HLA-B: variants seen among roughly 807,000 people sequenced by gnomAD.
HLA-B encodes HLA class I antigen HLA-B.
In HLA-B, 31 loss-of-function variants were observed where a neutral mutation model predicts 41.5. The observed-to-expected ratio is 0.75, with a 90% CI of 0.56 to 1.01. HLA-B has a LOEUF of 1.01. Among genes scored for constraint, HLA-B ranks in the 50% least tolerant of loss-of-function variants. The probability of loss-of-function intolerance (pLI) is 0.00; values close to 1 mark genes in which losing one functional copy is unlikely to be tolerated. For missense variants in HLA-B, 369 were observed against 457.2 expected, an observed-to-expected ratio of 0.81 and a Z score of 1.76; for synonymous variants, 138 against 189.0, an observed-to-expected ratio of 0.73 and a Z score of 2.21.
In HLA-B at chr6:31,356,450, CGGCCCCGCG is replaced by C; in HGVS notation, c.344-17_344-9del. The stretch of plus-strand genomic sequence containing the variant: ...TCTGGAGGGTGTGAGACCCTGGCCC[CGGCCCCGCG>C]GTCAGCCCAGTCCCCCGAGCCCCGC... On this transcript the variant is annotated splice_polypyrimidine_tract_variant and intron_variant, in intron 2 of 7. Coordinates refer to ENST00000412585, the MANE Select transcript of HLA-B (RefSeq NM_005514.8). 1.2e-6 allele frequency: 1 copy of C among 834,388 alleles called. No homozygotes were observed. Among genetic ancestry groups the C allele is most frequent in the Non-Finnish European group, 1.6e-6 (1 of 644,848 alleles). The allele number at this position is 834,388 out of a possible 1,614,324, so 51.7% of individuals were successfully genotyped here.
chr6:31,356,251 GC>G lies in HLA-B; in HGVS notation c.534del (p.Glu178AspfsTer36). ...QRKWEAAREA[E>X]QRRAYLEGEC... The stretch of plus-strand genomic sequence containing the variant: ...TCGCCCTCCAGGTAGGCTCTCCGCT[GC>G]TCCGCCTCACGGGCCGCCTCCCACT... On this transcript the variant is annotated frameshift_variant, in exon 3 of 8. Coordinates refer to ENST00000412585, the MANE Select transcript of HLA-B (RefSeq NM_005514.8). LOFTEE classifies it high-confidence loss of function. 1 of 1,322,138 alleles carries G rather than the reference GC, an allele frequency of 7.6e-7. No homozygotes were observed. 81.9% of individuals were successfully genotyped at this position (1,322,138 alleles called of 1,614,324 possible).
chr6:31,354,366 C>CACATTCGAAACGTCCCAATCAAT, intron 7 of HLA-B, 70 bp from the exon 8 acceptor site: 1 of 468,424 alleles, frequency 2.1e-6, no homozygotes, highest in Admixed American at 3.4e-5. Context: ...AAACAGCCCA[C>CACATTCGAAACGTCCCAATCAAT]CACACACGCG....
intron 1 of HLA-B, 49 bp downstream of exon 1, chr6:31,357,036 TC>T: frequency 1.1e-6 from 1 of 902,880 alleles, no homozygotes; most frequent in South Asian, 2.3e-5. Flanking sequence ...CCGCCTGCGG[TC>T]CCCTCGCTCC....
intron 7 of HLA-B, 39 bp downstream of exon 7, chr6:31,354,440 A>ACCCCCCCCCCCCCCCC: frequency 6.5e-6 from 2 of 308,254 alleles, no homozygotes; most frequent in East Asian, 7.9e-5. Flanking sequence ...CCACCCCCAG[A>ACCCCCCCCCCCCCCCC]CCCGCCACCC....
intron 3 of HLA-B, chr6:31,355,804 G>T (rs1240374512): frequency 4.5e-6 from 3 of 672,744 alleles, no homozygotes; most frequent in Non-Finnish European, 8.1e-6. Flanking sequence ...TTCTGCTCCT[G>T]ATCTGAGTGG....
In HLA-B at chr6:31,356,321, G is replaced by A. The variant is rs72558115; in HGVS notation, c.465C>T (p.Arg155=). 3 of 1,300,744 alleles carry A rather than the reference G, an allele frequency of 2.3e-6. No individual in the cohort carries two copies. Among genetic ancestry groups the A allele is most frequent in the Non-Finnish European group, 3.0e-6 (3 of 986,190 alleles). 80.6% of individuals were successfully genotyped at this position (1,300,744 alleles called of 1,614,324 possible). A position where few individuals can be genotyped will look rare whatever the true frequency, so the allele number is the denominator to read the frequency against. The stretch of plus-strand genomic sequence containing the variant: ...CCGCCGTGTCCGCGGCGGTCCAGGA[G>A]CGCAGGTCCTCGTTCAGGGCGATGT... ...KDYIALNEDL[R]SWTAADTAAQ... is the part of the protein sequence containing the mutation. The change falls in exon 3 of 8, where the codon CGC becomes CGT. Residue 155 remains arginine, a synonymous_variant. Coordinates refer to ENST00000412585, the MANE Select transcript of HLA-B (RefSeq NM_005514.8).
At chr6:31,354,423 G>GCCCCCTCCCC in intron 7 of HLA-B, 56 bp downstream of exon 7, 3 of 318,260 alleles carry the variant, frequency 9.4e-6, no homozygotes, top group South Asian at 2.4e-5. Context: ...TTTCCCCTCT[G>GCCCCCTCCCC]CCCCACCCAC....
chr6:31,355,435 T>C lies in HLA-B; in HGVS notation c.777A>G (p.Pro259=), dbSNP rs41544412. 2.6e-4 allele frequency: 401 copies of C among 1,567,446 alleles called. No individual in the cohort carries two copies. The highest frequency in any genetic ancestry group is 3.1e-4 in the Non-Finnish European group (365 of 1,163,394). Residue 259 remains proline (P), a synonymous_variant, in exon 4 of 8, where the codon CCA becomes CCG. Coordinates refer to ENST00000412585, the MANE Select transcript of HLA-B (RefSeq NM_005514.8). ...TQDTELVETR[P]AGDRTFQKWA... Reference sequence around the variant, plus strand: ...ACTTCTGGAAGGTTCTATCTCCTGCTGGTCTGGTCTCCACAAGCTCAGTGT... The same window carrying C: ...ACTTCTGGAAGGTTCTATCTCCTGCCGGTCTGGTCTCCACAAGCTCAGTGT...
chr6:31,356,650 G>C, intron 2 of HLA-B, 38 bp downstream of exon 2: 2 of 1,405,238 alleles, frequency 1.4e-6, no homozygotes, highest in South Asian at 1.2e-5. Context: ...GTGGGGGATG[G>C]GGAGTCGTGA....
At position 31,354,464 on chromosome 6, in the gene HLA-B, C is replaced by T. The variant is rs757784333; in HGVS notation, c.*4+15G>A. 3 of 918,422 alleles carry T rather than the reference C, an allele frequency of 3.3e-6. No individual in the cohort carries two copies. The highest frequency in any genetic ancestry group is 4.4e-6 in the Non-Finnish European group (3 of 676,752). The allele number at this position is 918,422 out of a possible 1,614,324, so 56.9% of individuals were successfully genotyped here. On this transcript the variant is annotated intron_variant, in intron 7 of 7. Transcript: ENST00000412585. ...GACCCGCCACCCCACCCACTCTAGA[C>T]CCCAAGAATCTCACCTTTTCAAGCT...
In HLA-B at chr6:31,354,029, C is replaced by T. The variant is rs1056978; in HGVS notation, c.*272G>A. 0.03 allele frequency: 11,628 copies of T among 392,592 alleles called. 11 individuals carry two copies. The highest frequency in any genetic ancestry group is 0.047 in the Admixed American group (1,176 of 24,828). 24.3% of individuals were successfully genotyped at this position (392,592 alleles called of 1,614,324 possible). ...AAGTAAGAAGTTGCAGCTCAGTGCA[C>T]GTAAAGTTGAGACAGAGATGGAGAC... On this transcript the variant is annotated 3_prime_UTR_variant, in exon 8 of 8. Coordinates refer to ENST00000412585, the MANE Select transcript of HLA-B (RefSeq NM_005514.8).
At chr6:31,354,560 C>T (rs765149097) in intron 6 of HLA-B, 34 bp from the exon 7 acceptor site, 1 of 1,448,440 alleles carries the variant, frequency 6.9e-7, no homozygotes, top group Non-Finnish European at 9.2e-7. Context: ...CTGGTCAGAG[C>T]CCGCAGGAGA....
intron 7 of HLA-B, 51 bp downstream of exon 7, chr6:31,354,428 A>AACCCCCCCCCCC: frequency 7.8e-5 from 12 of 153,838 alleles, no homozygotes; most frequent in South Asian, 1.5e-4. Context: ...CCTCTGCCCC[A>AACCCCCCCCCCC]CCCACCCCCA....
Position 31,354,310 on chromosome 6 carries a change from C to A in HLA-B, c.*5-14G>T. 1 of 529,516 alleles carries A rather than the reference C, an allele frequency of 1.9e-6. No homozygotes were observed. The highest frequency in any genetic ancestry group is 1.9e-5 in the South Asian group (1 of 53,240). The allele number at this position is 529,516 out of a possible 1,614,324, so 32.8% of individuals were successfully genotyped here. ...AGCTGTCTCAGGCTACAGAAAACAA[C>A]AGTCATGAACAAATTCTGGTTAGTC... On this transcript the variant is annotated splice_polypyrimidine_tract_variant and intron_variant, in intron 7 of 7. Transcript: ENST00000412585.
At chr6:31,354,428 A>AACCCCCCCC in intron 7 of HLA-B, 51 bp downstream of exon 7, 3 of 153,872 alleles carry the variant, frequency 1.9e-5, no homozygotes, top group South Asian at 1.0e-4. Context: ...CCTCTGCCCC[A>AACCCCCCCC]CCCACCCCCA....
chr6:31,356,686 AC>A lies in HLA-B; in HGVS notation c.343+1del. The A allele has an allele frequency of 7.0e-7, 1 of 1,421,890 alleles. No homozygotes were observed. The highest frequency in any genetic ancestry group is 9.3e-7 in the Non-Finnish European group (1 of 1,070,654). The allele number at this position is 1,421,890 out of a possible 1,614,324, so 88.1% of individuals were successfully genotyped here. A position where few individuals can be genotyped will look rare whatever the true frequency, so the allele number is the denominator to read the frequency against. Reference sequence around the variant, plus strand: ...CCTGCGCCCCGGGCCGGGGTCACTCACCGGCCTCGCTCTGGTTGTAGTAGCC... The same window carrying A: ...CCTGCGCCCCGGGCCGGGGTCACTCACGGCCTCGCTCTGGTTGTAGTAGCC... On this transcript the variant is annotated splice_donor_variant, in intron 2 of 7. Coordinates refer to ENST00000412585, the MANE Select transcript of HLA-B (RefSeq NM_005514.8). LOFTEE classifies it high-confidence loss of function.
In HLA-B at chr6:31,356,154, C is replaced by G; in HGVS notation, c.619+13G>C. On this transcript the variant is annotated intron_variant, in intron 3 of 7. Transcript: ENST00000412585. ...TATAGGAGATGGGGAAGGCTCCCCACTGCCCCTGGTACCAGCGCGCTCCAG... is the reference window on the plus strand; with the variant it reads ...TATAGGAGATGGGGAAGGCTCCCCAGTGCCCCTGGTACCAGCGCGCTCCAG... 3 of 1,252,000 alleles carry G rather than the reference C, an allele frequency of 2.4e-6. No homozygotes were observed. The highest frequency in any genetic ancestry group is 6.7e-5 in the East Asian group (2 of 29,974). The allele number at this position is 1,252,000 out of a possible 1,614,324, so 77.6% of individuals were successfully genotyped here. A position where few individuals can be genotyped will look rare whatever the true frequency, so the allele number is the denominator to read the frequency against.
In HLA-B at chr6:31,355,203, C is replaced by T. The variant is rs1131500; in HGVS notation, c.916G>A (p.Val306Ile). Residue 306 changes from valine to isoleucine, a missense_variant, in exon 5 of 8, where the codon GTC (valine) becomes ATC (isoleucine). Val to Ile is a conservative substitution (Grantham distance 29). This residue lies in a region of HLA-B where 115 missense variants were observed against 78.7 expected (regional missense o/e 1.46). Transcript: ENST00000412585. The part of the protein sequence containing the change: ...LRWEPSSQST[V>I]PIVGIVAGLA... ...CCAGCAACAATGCCCACGATGGGGA[C>T]GGTGGACTGGGAAGACGGCTCTGGG... 25,224 of 981,242 alleles carry T rather than the reference C, an allele frequency of 0.026. 3,621 individuals are homozygous for T. Among genetic ancestry groups the T allele is most frequent in the South Asian group, 0.13 (4,592 of 35,614 alleles). The allele number at this position is 981,242 out of a possible 1,614,324, so 60.8% of individuals were successfully genotyped here.
At chr6:31,356,080 G>C (rs1469423996) in intron 3 of HLA-B, 87 bp downstream of exon 3, 4 of 977,804 alleles carry the variant, frequency 4.1e-6, no homozygotes, top group African/African-American at 2.4e-5. Flanking sequence ...ACATTCTAGC[G>C]CTGATCCCAT....
Sources: allele counts gnomAD v4.1 joint callset, GRCh38; gene constraint gnomAD v4.1.1; regional missense constraint gnomAD v4.1.1; transcripts MANE v1.5; gene names NCBI Gene and HGNC (gene_info 2026-07-23, HGNC 2026-07-21).